Variants in ADAM32 observed in about 807,000 individuals in gnomAD.
ADAM32 encodes ADAM metallopeptidase domain 32.
Under a neutral mutation model 114.9 loss-of-function variants are expected in ADAM32, and 89 were observed. The observed-to-expected ratio is 0.77, with a 90% CI of 0.65 to 0.92. The LOEUF is 0.92. ADAM32 is among the 40% of genes least tolerant of loss of function. ADAM32 has a pLI of 0.00. For missense variants in ADAM32, 870 were observed against 932.8 expected (o/e 0.93, Z 0.88); for synonymous variants, 285 against 307.5 (o/e 0.93, Z 0.77).
chr8:39,212,690 T>C (rs10088458), intron 12 of ADAM32, among the ~76,000 whole-genome samples: 37,537 of 152,146 alleles, frequency 0.25, 4,986 homozygotes, highest in Non-Finnish European at 0.29. Flanking sequence ...TGTGGATATA[T>C]CACAATCTGT....
At chr8:39,221,415 G>A in intron 12 of ADAM32, 195 bp from the exon 13 acceptor site, 1 of 529,654 alleles carries the variant, frequency 1.9e-6, no homozygotes, top group Non-Finnish European at 3.4e-6. Context: ...TAGGTTACTA[G>A]TTACTCTCTT....
intron 7 of ADAM32, 99 bp from the exon 8 acceptor site, chr8:39,164,664 AC>A: frequency 1.2e-6 from 1 of 857,472 alleles, no homozygotes; most frequent in South Asian, 2.1e-5. Context: ...AACTGTTGAA[AC>A]CCAAAGCAGC....
chr8:39,234,761 A>G (rs1441021588), intron 16 of ADAM32, among the ~76,000 whole-genome samples: 1 of 152,232 alleles, frequency 6.6e-6, no homozygotes, highest in South Asian at 2.1e-4. Context: ...TCTCATTTAG[A>G]GGGAATAACA....
At chr8:39,243,392 A>G (rs1322283041) in intron 16 of ADAM32, among the ~76,000 whole-genome samples, 3 of 152,222 alleles carry the variant, frequency 2.0e-5, no homozygotes, top group Admixed American at 6.5e-5. Context: ...TCAACTAAAT[A>G]CTAGCTAACT....
chr8:39,218,734 G>T (rs1047453835), intron 12 of ADAM32, among the ~76,000 whole-genome samples: 1 of 152,108 alleles, frequency 6.6e-6, no homozygotes, highest in Non-Finnish European at 1.5e-5. Context: ...TTGTGGGTGT[G>T]CAAGGCCTGG....
intron 16 of ADAM32, among the ~76,000 whole-genome samples, chr8:39,237,654 A>G (rs1021798544): frequency 5.3e-5 from 8 of 152,126 alleles, no homozygotes; most frequent in Admixed American, 3.3e-4. Flanking sequence ...AGAGGCAGCC[A>G]TGATCCCCCT....
chr8:39,255,482 ATGT>A (rs1432272537), intron 18 of ADAM32, among the ~76,000 whole-genome samples: 1 of 152,006 alleles, frequency 6.6e-6, no homozygotes, highest in Non-Finnish European at 1.5e-5. Flanking sequence ...ATCATTAGTG[ATGT>A]TGAGCATTTT....
chr8:39,213,118 G>A (rs1018379347), intron 12 of ADAM32, among the ~76,000 whole-genome samples: 3 of 152,068 alleles, frequency 2.0e-5, no homozygotes, highest in African/African-American at 7.2e-5. Flanking sequence ...TTAAGTCAAG[G>A]TTATTAACAA....
intron 10 of ADAM32, among the ~76,000 whole-genome samples, chr8:39,186,101 C>T (rs1381245965): frequency 6.6e-6 from 1 of 152,188 alleles, no homozygotes; most frequent in African/African-American, 2.4e-5. Flanking sequence ...CTTTCTGATT[C>T]CGTTTGCATT....
chr8:39,268,368 T>C (rs1165334075), intron 19 of ADAM32, among the ~76,000 whole-genome samples: 1 of 152,200 alleles, frequency 6.6e-6, no homozygotes, highest in Non-Finnish European at 1.5e-5. Context: ...TATGGTTATT[T>C]GCCATCTGTA....
chr8:39,240,360 A>C (rs1350806709), intron 16 of ADAM32, among the ~76,000 whole-genome samples: 1 of 152,220 alleles, frequency 6.6e-6, no homozygotes, highest in Non-Finnish European at 1.5e-5. Flanking sequence ...AGAAACTAAA[A>C]ACTTCTTTGA....
chr8:39,161,999 T>G, intron 7 of ADAM32, among the ~76,000 whole-genome samples: 1 of 10,928 alleles, frequency 9.2e-5, no homozygotes, highest in Admixed American at 1.7e-3. Flanking sequence ...TTTATTTTAT[T>G]TTATATATAT....
chr8:39,173,427 G>T (rs371704178), intron 10 of ADAM32, among the ~76,000 whole-genome samples: 1 of 150,366 alleles, frequency 6.7e-6, no homozygotes, highest in African/African-American at 2.4e-5. Context: ...GATCAGTGCT[G>T]TTGAGTTTTT....
At chr8:39,223,575 G>T (rs1809139392) in intron 14 of ADAM32, 2 of 154,882 alleles carry the variant, frequency 1.3e-5, no homozygotes, top group Non-Finnish European at 2.9e-5. Flanking sequence ...TGTATACATT[G>T]TGAAATATTT....
At chr8:39,152,584 T>C (rs1425498109) in intron 6 of ADAM32, among the ~76,000 whole-genome samples, 3 of 152,058 alleles carry the variant, frequency 2.0e-5, no homozygotes, top group Admixed American at 6.6e-5. Flanking sequence ...TAGTCAGGCA[T>C]GGTGGCAGAC....
At chr8:39,273,353 A>AAAATAAATAAAT (rs574778386) in intron 20 of ADAM32, among the ~76,000 whole-genome samples, 3 of 151,886 alleles carry the variant, frequency 2.0e-5, no homozygotes, top group African/African-American at 7.3e-5. Flanking sequence ...TAAAAATACA[A>AAAATAAATAAAT]AAATAAATAA....
chr8:39,222,716 AT>A (rs1036924210), intron 13 of ADAM32, among the ~76,000 whole-genome samples: 1 of 152,114 alleles, frequency 6.6e-6, no homozygotes, highest in African/African-American at 2.4e-5. Context: ...ACTAAATTAC[AT>A]TATTTTCACC....
At chr8:39,155,633 C>T (rs1476904429) in intron 6 of ADAM32, among the ~76,000 whole-genome samples, 1 of 152,182 alleles carries the variant, frequency 6.6e-6, no homozygotes, top group Non-Finnish European at 1.5e-5. Flanking sequence ...GATGTCTAAG[C>T]CATACAGAGC....
intron 9 of ADAM32, 185 bp from the exon 10 acceptor site, chr8:39,169,731 T>C (rs981511960): frequency 2.4e-5 from 11 of 464,680 alleles, no homozygotes; most frequent in African/African-American, 7.8e-5. Context: ...TTTAATCTAA[T>C]TAATACTAAT....
Sources: gnomAD v4.1 joint callset for allele counts (sites outside exome capture counted in the v4.1 genomes callset) on GRCh38, gnomAD v4.1.1 for gene constraint, MANE v1.5 for transcripts, NCBI Gene and HGNC (gene_info 2026-07-23, HGNC 2026-07-21) for gene names.